SBF2: variants seen among roughly 807,000 people sequenced by gnomAD.
SBF2 encodes SET binding factor 2.
SBF2 carries 112 observed loss-of-function variants against 225.2 expected under a neutral mutation model. The ratio of observed to expected loss-of-function variants is 0.50; its 90% confidence interval spans 0.43 to 0.58. The LOEUF (loss-of-function observed/expected upper bound fraction) is 0.58, where lower values mean the gene tolerates loss of function less well. Among genes scored for constraint, SBF2 ranks in the 20% least tolerant of loss-of-function variants. The probability of loss-of-function intolerance (pLI) is 0.00; values close to 1 mark genes in which losing one functional copy is unlikely to be tolerated. For synonymous variants in SBF2, 763 were observed against 773.3 expected, an observed-to-expected ratio of 0.99 and a Z score of 0.22; for missense variants, 1,996 against 2,206.2, an observed-to-expected ratio of 0.90 and a Z score of 1.91.
intron 6 of SBF2, among the ~76,000 whole-genome samples, chr11:10,025,885 G>A (rs994708076): frequency 2.6e-5 from 4 of 152,178 alleles, no homozygotes; most frequent in East Asian, 3.9e-4. Flanking sequence ...ACAGGCATGA[G>A]CCACTGTGCC....
intron 16 of SBF2, among the ~76,000 whole-genome samples, chr11:9,953,694 C>A (rs938232449): frequency 6.6e-6 from 1 of 152,180 alleles, no homozygotes; most frequent in African/African-American, 2.4e-5. Context: ...CAACTGTTAA[C>A]TGCTCAGGGC....
chr11:10,132,544 G>T (rs1400591401), intron 2 of SBF2, among the ~76,000 whole-genome samples: 1 of 147,754 alleles, frequency 6.8e-6, no homozygotes, highest in Non-Finnish European at 1.5e-5. Context: ...AAGGCAGCGC[G>T]TCTGGAGTTG....
At chr11:10,145,799 T>C (rs1171861019) in intron 2 of SBF2, among the ~76,000 whole-genome samples, 1 of 152,196 alleles carries the variant, frequency 6.6e-6, no homozygotes, top group African/African-American at 2.4e-5. Flanking sequence ...TGTTTGCAGA[T>C]GACATGATTC....
At chr11:9,872,552 A>G (rs1021090837) in intron 17 of SBF2, among the ~76,000 whole-genome samples, 3 of 152,246 alleles carry the variant, frequency 2.0e-5, no homozygotes, top group Admixed American at 2.0e-4. Flanking sequence ...ACAAACATGC[A>G]AAGATACTCA....
intron 6 of SBF2, among the ~76,000 whole-genome samples, chr11:10,014,505 TAAAA>T (rs1181315538): frequency 9.9e-5 from 7 of 70,810 alleles, no homozygotes; most frequent in South Asian, 1.3e-3. Flanking sequence ...CCATTTCAAC[TAAAA>T]AAAAAAAAAA....
At chr11:9,951,311 A>G (rs1346970993) in intron 16 of SBF2, among the ~76,000 whole-genome samples, 3 of 152,258 alleles carry the variant, frequency 2.0e-5, no homozygotes, top group Admixed American at 6.5e-5. Context: ...TTGTGAAGTG[A>G]AAAGATACAA....
intron 3 of SBF2, among the ~76,000 whole-genome samples, chr11:10,042,480 G>T (rs1949689461): frequency 6.6e-6 from 1 of 152,154 alleles, no homozygotes; most frequent in Non-Finnish European, 1.5e-5. Context: ...TTGTAATAAT[G>T]ATTTGCAAAC....
At chr11:10,140,405 C>A (rs1255374619) in intron 2 of SBF2, among the ~76,000 whole-genome samples, 4 of 152,154 alleles carry the variant, frequency 2.6e-5, no homozygotes, top group African/African-American at 7.2e-5. Flanking sequence ...CATGCCTACA[C>A]AATGAGGCCT....
At chr11:9,837,067 T>C in intron 26 of SBF2, among the ~76,000 whole-genome samples, 1 of 152,230 alleles carries the variant, frequency 6.6e-6, no homozygotes, top group East Asian at 1.9e-4. Flanking sequence ...TTTCAATTTT[T>C]ATACCTTTTA....
At chr11:10,190,809 C>T (rs1957136498) in intron 2 of SBF2, among the ~76,000 whole-genome samples, 2 of 152,296 alleles carry the variant, frequency 1.3e-5, no homozygotes, top group South Asian at 4.1e-4. Flanking sequence ...CATTTCTCAA[C>T]CTTAGTTCTT....
chr11:9,891,231 T>G (rs1278593052), intron 17 of SBF2, among the ~76,000 whole-genome samples: 1 of 152,180 alleles, frequency 6.6e-6, no homozygotes, highest in Non-Finnish European at 1.5e-5. Flanking sequence ...AATACAAAAG[T>G]ATGCTACTGT....
intron 2 of SBF2, among the ~76,000 whole-genome samples, chr11:10,074,144 G>C (rs138348562): frequency 6.6e-6 from 1 of 152,110 alleles, no homozygotes. Flanking sequence ...ATAATAGAGC[G>C]GGAAAGAAAG....
chr11:9,937,950 A>G lies in SBF2; in HGVS notation c.1860+24007T>C, dbSNP rs1040622653. ...CTTAAAAGCTACTGAAAGGCACACA[A>G]AAAATTGAAAACTGGATGTTATTAG... On this transcript the variant is annotated intron_variant, in intron 16 of 39. Transcript: ENST00000256190. 3.9e-5 allele frequency among the ~76,000 whole-genome samples: 6 copies of G among 152,166 alleles called. No homozygotes were observed. In the East Asian group the frequency reaches 1.2e-3, roughly 29 times the overall value.
At chr11:10,214,437 C>CA (rs761591761) in intron 1 of SBF2, among the ~76,000 whole-genome samples, 28 of 152,154 alleles carry the variant, frequency 1.8e-4, no homozygotes, top group Non-Finnish European at 3.4e-4. Flanking sequence ...TCCTGGCTAA[C>CA]ACGGTGAAAC....
intron 1 of SBF2, among the ~76,000 whole-genome samples, chr11:10,202,712 C>T (rs540343386): frequency 5.5e-4 from 84 of 152,238 alleles, no homozygotes; most frequent in Non-Finnish European, 5.3e-4. Context: ...GGCGTGAACC[C>T]GGGAGGCGGA....
At chr11:10,065,986 C>A (rs963721483) in intron 2 of SBF2, among the ~76,000 whole-genome samples, 1 of 151,880 alleles carries the variant, frequency 6.6e-6, no homozygotes, top group African/African-American at 2.4e-5. Flanking sequence ...ACCAGACAAA[C>A]TACCAAACCT....
At chr11:9,837,825 C>T (rs369483148) in intron 26 of SBF2, among the ~76,000 whole-genome samples, 11 of 152,132 alleles carry the variant, frequency 7.2e-5, no homozygotes, top group Admixed American at 1.3e-4. Flanking sequence ...GTAACCTCCA[C>T]CACCAGGGTT....
At chr11:10,187,371 G>C (rs1445387892) in intron 2 of SBF2, among the ~76,000 whole-genome samples, 1 of 151,370 alleles carries the variant, frequency 6.6e-6, no homozygotes, top group African/African-American at 2.4e-5. Context: ...CTACTTGGAG[G>C]GCTTGCTGAA....
chr11:9,816,347 TTAACAAGTGTTA>T (rs1192546274), intron 29 of SBF2, among the ~76,000 whole-genome samples: 1 of 152,188 alleles, frequency 6.6e-6, no homozygotes, highest in Non-Finnish European at 1.5e-5. Context: ...TTGCGAAGTT[TTAACAAGTGTTA>T]CTCAGAAAAC....
Sources: allele counts gnomAD v4.1 joint callset (sites outside exome capture counted in the v4.1 genomes callset), GRCh38; gene constraint gnomAD v4.1.1; transcripts MANE v1.5; gene names NCBI Gene and HGNC (gene_info 2026-07-23, HGNC 2026-07-21).